The following STX18 variants were observed in gnomAD, a reference collection of about 807,000 sequenced individuals.
The protein encoded by STX18 is syntaxin 18.
A neutral mutation model predicts 50.1 loss-of-function variants in STX18; 40 were observed. That is an observed-to-expected ratio of 0.80 (90% confidence interval 0.62 to 1.04). The LOEUF is 1.04. Ranked by LOEUF, STX18 falls within the 50% of genes least tolerant of loss-of-function variation. The pLI, the probability that STX18 is intolerant of heterozygous loss-of-function variation, is 0.00. For missense variants in STX18, 410 were observed against 415.8 expected (o/e 0.99, Z 0.12); for synonymous variants, 158 against 151.8 (o/e 1.04, Z -0.30).
intron 1 of STX18, among the ~76,000 whole-genome samples, chr4:4,513,334 T>G (rs539525869): frequency 6.8e-6 from 1 of 146,954 alleles, no homozygotes; most frequent in East Asian, 1.9e-4. Context: ...GATCTTCCAG[T>G]AGAAGTAGAC....
intron 2 of STX18, among the ~76,000 whole-genome samples, chr4:4,459,963 G>A (rs989976957): frequency 6.6e-6 from 1 of 152,132 alleles, no homozygotes; most frequent in African/African-American, 2.4e-5. Flanking sequence ...TCCCCAGATA[G>A]CTGCATCAAT....
chr4:4,503,331 T>A (rs1729544888), intron 1 of STX18, among the ~76,000 whole-genome samples: 1 of 152,248 alleles, frequency 6.6e-6, no homozygotes, highest in East Asian at 1.9e-4. Flanking sequence ...ACAACATCAG[T>A]AGAAAAAACT....
At chr4:4,492,805 A>G (rs1481209535) in intron 1 of STX18, among the ~76,000 whole-genome samples, 1 of 152,166 alleles carries the variant, frequency 6.6e-6, no homozygotes, top group Non-Finnish European at 1.5e-5. Context: ...CTTCCCTAGT[A>G]GTCTGAAAAA....
At chr4:4,433,046 C>T (rs115142090) in intron 7 of STX18, among the ~76,000 whole-genome samples, 1,685 of 152,308 alleles carry the variant, frequency 0.011, 21 homozygotes, top group Non-Finnish European at 0.015. Context: ...CCAGAACCAA[C>T]TGGAAAAAAA....
intron 5 of STX18, among the ~76,000 whole-genome samples, chr4:4,440,560 A>G (rs1726051814): frequency 6.6e-6 from 1 of 152,222 alleles, no homozygotes; most frequent in African/African-American, 2.4e-5. Flanking sequence ...TCAGTCTGAG[A>G]AAGCTGAGTC....
chr4:4,488,935 A>T (rs993459363), intron 1 of STX18, among the ~76,000 whole-genome samples: 4 of 152,216 alleles, frequency 2.6e-5, no homozygotes, highest in African/African-American at 9.6e-5. Flanking sequence ...AGCGGCCCAT[A>T]GCAAGAACAT....
intron 1 of STX18, chr4:4,507,064 CAG>C: frequency 3.9e-6 from 2 of 512,316 alleles, no homozygotes; most frequent in Admixed American, 4.2e-5. Context: ...AGCCAGTGCT[CAG>C]CAAGGAGAAG....
At chr4:4,447,386 G>A (rs935972302) in intron 5 of STX18, among the ~76,000 whole-genome samples, 3 of 151,418 alleles carry the variant, frequency 2.0e-5, no homozygotes, top group South Asian at 4.2e-4. Flanking sequence ...TCAGGAGATC[G>A]AGACCATCCT....
At chr4:4,424,727 T>G (rs1358117153) in intron 8 of STX18, among the ~76,000 whole-genome samples, 1 of 152,330 alleles carries the variant, frequency 6.6e-6, no homozygotes, top group East Asian at 1.9e-4. Flanking sequence ...AGGCCTTGCC[T>G]TCTGCATTCC....
At chr4:4,490,176 G>A (rs1016278969) in intron 1 of STX18, among the ~76,000 whole-genome samples, 5 of 152,080 alleles carry the variant, frequency 3.3e-5, no homozygotes, top group African/African-American at 1.2e-4. Flanking sequence ...ACCTAAGAAA[G>A]GAAAGTAAAA....
intron 1 of STX18, among the ~76,000 whole-genome samples, chr4:4,511,019 G>T (rs554071228): frequency 6.6e-6 from 1 of 152,184 alleles, no homozygotes; most frequent in Middle Eastern, 3.2e-3. Flanking sequence ...GGAAGACAAG[G>T]GGGAGGGAGA....
rs545955541 is a variant in STX18 at position 4,419,981 on chromosome 4, C to T, written c.*53G>A. 41 of 1,459,586 alleles carry T rather than the reference C, an allele frequency of 2.8e-5. No individual in the cohort carries two copies. Among genetic ancestry groups the T allele is most frequent in the Middle Eastern group, 2.1e-4 (1 of 4,758 alleles). 90.4% of individuals were successfully genotyped at this position (1,459,586 alleles called of 1,614,324 possible). A position where few individuals can be genotyped will look rare whatever the true frequency, so the allele number is the denominator to read the frequency against. Reference sequence around the variant, plus strand: ...CCAGCACTGGAAGTACATGAAAGCACGCAGTCTGTGAGTGCCCATGAGGAC... The same window carrying T: ...CCAGCACTGGAAGTACATGAAAGCATGCAGTCTGTGAGTGCCCATGAGGAC... On this transcript the variant is annotated 3_prime_UTR_variant, in exon 11 of 11. Transcript: ENST00000306200.
chr4:4,501,412 T>C (rs1362455524), intron 1 of STX18, among the ~76,000 whole-genome samples: 2 of 152,202 alleles, frequency 1.3e-5, no homozygotes, highest in Non-Finnish European at 2.9e-5. Context: ...GACTGCATTT[T>C]AAAAACAGTA....
At chr4:4,505,851 C>T (rs967649133) in intron 1 of STX18, among the ~76,000 whole-genome samples, 1 of 152,112 alleles carries the variant, frequency 6.6e-6, no homozygotes, top group African/African-American at 2.4e-5. Flanking sequence ...TTTTGCAGCA[C>T]TGTGAAAGTT....
chr4:4,508,229 T>C (rs1729820600), intron 1 of STX18, among the ~76,000 whole-genome samples: 1 of 152,188 alleles, frequency 6.6e-6, no homozygotes, highest in Non-Finnish European at 1.5e-5. Flanking sequence ...TTGTTTTTTG[T>C]CTGTTCATGG....
At chr4:4,524,003 T>A (rs1730635724) in intron 1 of STX18, among the ~76,000 whole-genome samples, 1 of 152,206 alleles carries the variant, frequency 6.6e-6, no homozygotes, top group African/African-American at 2.4e-5. Context: ...ATAGCAGCAC[T>A]TATTAGAACA....
intron 1 of STX18, among the ~76,000 whole-genome samples, chr4:4,533,771 T>C (rs1221864515): frequency 3.9e-5 from 6 of 152,192 alleles, no homozygotes; most frequent in African/African-American, 1.4e-4. Context: ...CCTACCCTAG[T>C]AGGTGAGACA....
chr4:4,479,564 C>T (rs1415224499), intron 1 of STX18, among the ~76,000 whole-genome samples: 1 of 151,462 alleles, frequency 6.6e-6, no homozygotes, highest in Non-Finnish European at 1.5e-5. Context: ...TAATACTTAA[C>T]CAAACAAGTT....
At chr4:4,521,344 C>T (rs1730502976) in intron 1 of STX18, among the ~76,000 whole-genome samples, 1 of 152,134 alleles carries the variant, frequency 6.6e-6, no homozygotes, top group African/African-American at 2.4e-5. Context: ...TCAGCTTATG[C>T]ACTCAAATGC....
Sources: gnomAD v4.1 joint callset for allele counts (sites outside exome capture counted in the v4.1 genomes callset) on GRCh38, gnomAD v4.1.1 for gene constraint, MANE v1.5 for transcripts, NCBI Gene and HGNC (gene_info 2026-07-23, HGNC 2026-07-21) for gene names.